The following KCNIP4 variants were observed in gnomAD, a reference collection of about 807,000 sequenced individuals.
KCNIP4 encodes the protein potassium voltage-gated channel interacting protein 4.
KCNIP4 carries 12 observed loss-of-function variants against 34.0 expected under a neutral mutation model. That is an observed-to-expected ratio of 0.35 (90% CI 0.23 to 0.57). KCNIP4 has a LOEUF of 0.57. KCNIP4 is among the 20% of genes least tolerant of loss of function. The pLI is 0.83. For synonymous variants in KCNIP4, 124 were observed against 102.2 expected (o/e 1.21, Z -1.29); for missense variants, 238 against 311.7 (o/e 0.76, Z 1.78).
intron 1 of KCNIP4, among the ~76,000 whole-genome samples, chr4:21,406,757 G>A (rs1269740593): frequency 6.6e-6 from 1 of 152,154 alleles, no homozygotes; most frequent in African/African-American, 2.4e-5. Context: ...TTTTCTTAAA[G>A]ATGAGCAAAG....
intron 1 of KCNIP4, among the ~76,000 whole-genome samples, chr4:21,157,359 T>C (rs1753218415): frequency 1.3e-5 from 2 of 151,978 alleles, no homozygotes; most frequent in African/African-American, 2.4e-5. Context: ...TTTTTTTCTT[T>C]CTAACAGTTC....
chr4:21,378,133 C>T (rs1043068564), intron 1 of KCNIP4, among the ~76,000 whole-genome samples: 2 of 152,112 alleles, frequency 1.3e-5, no homozygotes, highest in South Asian at 2.1e-4. Context: ...GATTTAGAAG[C>T]CAGTCTCTCA....
At chr4:21,389,986 TTGC>T (rs1451866914) in intron 1 of KCNIP4, among the ~76,000 whole-genome samples, 2 of 139,994 alleles carry the variant, frequency 1.4e-5, no homozygotes, top group Non-Finnish European at 3.2e-5. Flanking sequence ...TTTTTAATGA[TTGC>T]CCTTCTAACT....
At chr4:20,918,339 G>A (rs1729047794) in intron 1 of KCNIP4, among the ~76,000 whole-genome samples, 2 of 152,004 alleles carry the variant, frequency 1.3e-5, no homozygotes, top group South Asian at 4.1e-4. Context: ...TATAGATGAA[G>A]AACTCTTCAC....
At chr4:21,269,103 G>A (rs146488118) in intron 1 of KCNIP4, among the ~76,000 whole-genome samples, 1 of 152,302 alleles carries the variant, frequency 6.6e-6, no homozygotes, top group Non-Finnish European at 1.5e-5. Context: ...TTTTATAGAG[G>A]AGAGTGATAT....
intron 1 of KCNIP4, among the ~76,000 whole-genome samples, chr4:21,823,844 G>T (rs111745745): frequency 6.6e-6 from 1 of 152,048 alleles, no homozygotes; most frequent in Non-Finnish European, 1.5e-5. Flanking sequence ...AATGACCACC[G>T]ATTTTTCCCA....
intron 1 of KCNIP4, among the ~76,000 whole-genome samples, chr4:21,611,304 G>T (rs1388500321): frequency 6.6e-6 from 1 of 152,126 alleles, no homozygotes; most frequent in South Asian, 2.1e-4. Flanking sequence ...CTTTATATTA[G>T]ATGACAGCAG....
intron 1 of KCNIP4, among the ~76,000 whole-genome samples, chr4:21,425,327 A>G (rs2109643762): frequency 6.6e-6 from 1 of 152,316 alleles, no homozygotes; most frequent in South Asian, 2.1e-4. Context: ...TTCATTAAAC[A>G]TTTTGACTTG....
intron 1 of KCNIP4, among the ~76,000 whole-genome samples, chr4:21,918,237 A>C (rs757439071): frequency 1.3e-5 from 2 of 152,246 alleles, no homozygotes; most frequent in Non-Finnish European, 2.9e-5. Context: ...ATGGAAACAT[A>C]ACTGTGATAA....
intron 1 of KCNIP4, chr4:21,847,073 G>A (rs955383716): frequency 3.3e-5 from 5 of 152,188 alleles, no homozygotes; most frequent in East Asian, 3.9e-4. Flanking sequence ...TTCTGCAGGT[G>A]AGCCAGTTTG....
intron 1 of KCNIP4, among the ~76,000 whole-genome samples, chr4:21,644,586 C>G (rs149842263): frequency 2.1e-3 from 319 of 152,262 alleles, no homozygotes; most frequent in African/African-American, 7.3e-3. Flanking sequence ...CCCTGATCCC[C>G]TTACTGTTTC....
chr4:21,566,067 C>A (rs780800583), intron 1 of KCNIP4, among the ~76,000 whole-genome samples: 4 of 152,144 alleles, frequency 2.6e-5, no homozygotes, highest in African/African-American at 7.2e-5. Context: ...GTTGGAGCAA[C>A]AGTCACATAC....
At chr4:21,112,029 CTAT>C (rs1749234744) in intron 1 of KCNIP4, among the ~76,000 whole-genome samples, 1 of 83,562 alleles carries the variant, frequency 1.2e-5, no homozygotes, top group African/African-American at 3.5e-5. Flanking sequence ...TTCTCTGTAT[CTAT>C]CTATCTATCT....
chr4:21,419,264 T>C (rs112887489), intron 1 of KCNIP4, among the ~76,000 whole-genome samples: 29 of 152,342 alleles, frequency 1.9e-4, no homozygotes, highest in African/African-American at 7.0e-4. Context: ...ATGACCTATG[T>C]GTTATTCCCT....
intron 1 of KCNIP4, among the ~76,000 whole-genome samples, chr4:21,860,851 T>C (rs978313524): frequency 8.5e-5 from 13 of 152,222 alleles, no homozygotes; most frequent in Non-Finnish European, 1.8e-4. Flanking sequence ...TTCATTCTTT[T>C]ATTTTGCTAA....
chr4:21,759,083 C>G (rs1232079132), intron 1 of KCNIP4, among the ~76,000 whole-genome samples: 3 of 152,130 alleles, frequency 2.0e-5, no homozygotes, highest in Admixed American at 2.0e-4. Flanking sequence ...AATTACTACT[C>G]ACAGGCTCAT....
At chr4:21,621,022 G>A (rs538338000) in intron 1 of KCNIP4, among the ~76,000 whole-genome samples, 1 of 152,054 alleles carries the variant, frequency 6.6e-6, no homozygotes, top group Admixed American at 6.6e-5. Flanking sequence ...GATATCTCAG[G>A]CTCCGTACAG....
At chr4:20,901,248 C>T (rs544373964) in intron 1 of KCNIP4, among the ~76,000 whole-genome samples, 5 of 152,300 alleles carry the variant, frequency 3.3e-5, no homozygotes, top group East Asian at 1.9e-4. Flanking sequence ...AGCTCAATCG[C>T]GTTTAGTTGA....
Position 20,896,487 on chromosome 4 carries a change from AAGG to A in KCNIP4, c.62-13781_62-13779del, listed in dbSNP as rs1427790379. Among the ~76,000 whole-genome samples the A allele has an allele frequency of 3.9e-5, 6 of 152,304 alleles. No homozygotes were observed. The South Asian group carries it at 1.2e-3, about 32-fold the overall frequency. On this transcript the variant is annotated intron_variant, in intron 1 of 8. Coordinates refer to ENST00000382152, the MANE Select transcript of KCNIP4 (RefSeq NM_025221.6). ...TAGCCAATAACTGGTATCTTTCTGG[AAGG>A]AGAAGACAGACACACAGAGAGGGAA...
Sources: gnomAD v4.1 joint callset for allele counts (sites outside exome capture counted in the v4.1 genomes callset) on GRCh38, gnomAD v4.1.1 for gene constraint, MANE v1.5 for transcripts, NCBI Gene and HGNC (gene_info 2026-07-23, HGNC 2026-07-21) for gene names.